The following LAMA3 variants were observed in gnomAD, a reference collection of about 807,000 sequenced individuals.
LAMA3 encodes the protein laminin subunit alpha-3.
LAMA3 carries 281 observed loss-of-function variants against 402.0 expected under a neutral mutation model. The ratio of observed to expected loss-of-function variants is 0.70; its 90% CI spans 0.63 to 0.77. LAMA3 has a LOEUF of 0.77. LAMA3 is among the 30% of genes least tolerant of loss of function. LAMA3 has a pLI of 0.00. For missense variants in LAMA3, 3,840 were observed against 4,215.5 expected (o/e 0.91, Z 2.47); for synonymous variants, 1,431 against 1,558.4 (o/e 0.92, Z 1.93).
chr18:23,943,359 G>A (rs1238602639), intron 68 of LAMA3, among the ~76,000 whole-genome samples: 2 of 152,200 alleles, frequency 1.3e-5, no homozygotes, highest in African/African-American at 2.4e-5. Flanking sequence ...AAGAGTTCTC[G>A]AGATTGATTG....
intron 74 of LAMA3, among the ~76,000 whole-genome samples, chr18:23,953,858 GC>G (rs568516185): frequency 2.2e-3 from 333 of 152,310 alleles, no homozygotes; most frequent in Non-Finnish European, 3.3e-3. Context: ...TCTGGGAAGA[GC>G]CTTTTCATTC....
intron 39 of LAMA3, among the ~76,000 whole-genome samples, chr18:23,877,084 C>G (rs1347910926): frequency 6.6e-6 from 1 of 152,172 alleles, no homozygotes; most frequent in East Asian, 1.9e-4. Context: ...CAGTCCAACA[C>G]AAGCTTCACT....
chr18:23,816,741 A>C (rs1301610098), intron 18 of LAMA3, among the ~76,000 whole-genome samples: 1 of 152,062 alleles, frequency 6.6e-6, no homozygotes, highest in Non-Finnish European at 1.5e-5. Context: ...AGGTACAAAA[A>C]CCAGGTGGGC....
At position 23,689,777 on chromosome 18, in the gene LAMA3, TG is replaced by T; in HGVS notation, c.95del (p.Cys32SerfsTer126). On this transcript the variant is annotated frameshift_variant, in exon 1 of 75. Coordinates refer to ENST00000313654, the MANE Select transcript of LAMA3 (RefSeq NM_198129.4). LOFTEE classifies it high-confidence loss of function. ...LLLVLRVLPA[C>X]GATARDPGAA... ...GCTGGTACTGCGGGTGCTGCCAGCC[TG>T]CGGGGCGACCGCTCGGGATCCCGGG... 6.5e-7 allele frequency: 1 copy of T among 1,530,278 alleles called. No homozygotes were observed. Among genetic ancestry groups the T allele is most frequent in the Non-Finnish European group, 8.8e-7 (1 of 1,140,268 alleles). 94.8% of individuals were successfully genotyped at this position (1,530,278 alleles called of 1,614,324 possible).
chr18:23,742,863 T>A (rs1436394688), intron 2 of LAMA3, among the ~76,000 whole-genome samples: 2 of 152,232 alleles, frequency 1.3e-5, no homozygotes, highest in African/African-American at 4.8e-5. Context: ...ATTATAAAGC[T>A]ATTGACAGAC....
intron 32 of LAMA3, among the ~76,000 whole-genome samples, chr18:23,852,942 A>C (rs1462963135): frequency 6.6e-6 from 1 of 152,144 alleles, no homozygotes; most frequent in Non-Finnish European, 1.5e-5. Flanking sequence ...TTTTGTGTTA[A>C]AAGTACAGAC....
At chr18:23,822,516 G>A (rs2063306397) in intron 20 of LAMA3, 141 bp downstream of exon 20, 1 of 869,074 alleles carries the variant, frequency 1.2e-6, no homozygotes, top group Non-Finnish European at 1.9e-6. Flanking sequence ...TTCTCTAGGA[G>A]CCCTGTCGTT....
intron 12 of LAMA3, among the ~76,000 whole-genome samples, chr18:23,807,649 T>C (rs1284608517): frequency 6.6e-6 from 1 of 152,172 alleles, no homozygotes; most frequent in Non-Finnish European, 1.5e-5. Context: ...AGGCAATCTG[T>C]AGGCAGAATT....
At chr18:23,769,030 A>G (rs1003952278) in intron 8 of LAMA3, among the ~76,000 whole-genome samples, 2 of 152,314 alleles carry the variant, frequency 1.3e-5, no homozygotes, top group Admixed American at 1.3e-4. Context: ...AAAACTAACT[A>G]TTGGGTACTA....
At chr18:23,923,610 A>G (rs542333975) in intron 62 of LAMA3, among the ~76,000 whole-genome samples, 16 of 152,352 alleles carry the variant, frequency 1.1e-4, no homozygotes, top group African/African-American at 3.4e-4. Context: ...AGACACAGCC[A>G]GGTGGAGAGG....
chr18:23,877,716 G>T (rs1433331607), intron 39 of LAMA3, among the ~76,000 whole-genome samples: 1 of 152,132 alleles, frequency 6.6e-6, no homozygotes, highest in African/African-American at 2.4e-5. Context: ...AAGAGTAAAG[G>T]GTATTGGGAA....
intron 11 of LAMA3, 132 bp from the exon 12 acceptor site, chr18:23,783,891 T>G (rs1778043968): frequency 1.6e-6 from 2 of 1,223,606 alleles, no homozygotes; most frequent in Admixed American, 1.7e-5. Context: ...TGTAGTCTTC[T>G]GCGTTAAGAA....
chr18:23,842,523 T>C lies in LAMA3; in HGVS notation c.3463+2T>C. The C allele has an allele frequency of 6.2e-7, 1 of 1,614,212 alleles. No homozygotes were observed. The highest frequency in any genetic ancestry group is 8.5e-7 in the Non-Finnish European group (1 of 1,180,036). ...TGGATGGCGGGTGGCCACGGGCAGG[T>C]GAGCTGCAGTGAGCAGGCCCTGCTG... On this transcript the variant is annotated splice_donor_variant, in intron 28 of 74. Transcript: ENST00000313654. LOFTEE classifies it high-confidence loss of function.
intron 1 of LAMA3, 97 bp downstream of exon 1, chr18:23,690,074 T>C: frequency 2.4e-6 from 2 of 819,854 alleles, no homozygotes; most frequent in Non-Finnish European, 3.4e-6. Context: ...TCACGCGCGC[T>C]AGTGGCTCCG....
intron 5 of LAMA3, among the ~76,000 whole-genome samples, chr18:23,751,714 A>C (rs1834938681): frequency 6.6e-6 from 1 of 152,234 alleles, no homozygotes; most frequent in Admixed American, 6.5e-5. Context: ...ATTGGTGAGC[A>C]CTAGTACCCT....
At chr18:23,837,296 A>T in intron 25 of LAMA3, 1 of 566,846 alleles carries the variant, frequency 1.8e-6, no homozygotes, top group East Asian at 3.0e-5. Flanking sequence ...AAATTTAGTC[A>T]TATTTAAGCA....
intron 12 of LAMA3, among the ~76,000 whole-genome samples, chr18:23,787,473 A>G (rs750693659): frequency 1.3e-5 from 2 of 152,196 alleles, no homozygotes; most frequent in Non-Finnish European, 2.9e-5. Context: ...ATGAACTCCA[A>G]ATAGCATAAA....
intron 2 of LAMA3, among the ~76,000 whole-genome samples, chr18:23,744,265 G>A (rs1396709199): frequency 6.6e-6 from 1 of 152,164 alleles, no homozygotes; most frequent in Non-Finnish European, 1.5e-5. Flanking sequence ...AACACATATA[G>A]TCGCTTGGTG....
intron 38 of LAMA3, among the ~76,000 whole-genome samples, chr18:23,872,689 C>T (rs1383820032): frequency 6.6e-6 from 1 of 152,146 alleles, no homozygotes; most frequent in African/African-American, 2.4e-5. Context: ...CTTTTCTAGC[C>T]TGATTAAAAT....
Sources: allele counts gnomAD v4.1 joint callset (sites outside exome capture counted in the v4.1 genomes callset), GRCh38; gene constraint gnomAD v4.1.1; transcripts MANE v1.5; gene names NCBI Gene and HGNC (gene_info 2026-07-23, HGNC 2026-07-21).